Variants in SHISA6 observed in about 807,000 individuals in gnomAD.
SHISA6 encodes protein shisa-6.
A neutral mutation model predicts 47.9 loss-of-function variants in SHISA6; 22 were observed. The observed-to-expected ratio is 0.46, with a 90% confidence interval of 0.33 to 0.66. SHISA6 has a LOEUF of 0.66. Ranked by LOEUF, SHISA6 falls within the 30% of genes least tolerant of loss-of-function variation. The pLI is 0.02. For synonymous variants in SHISA6, 388 were observed against 337.8 expected (o/e 1.15, Z -1.63); for missense variants, 680 against 764.6 (o/e 0.89, Z 1.30).
chr17:11,449,675 G>A (rs1454282978), intron 3 of SHISA6, among the ~76,000 whole-genome samples: 1 of 152,144 alleles, frequency 6.6e-6, no homozygotes, highest in Non-Finnish European at 1.5e-5. Flanking sequence ...AAACTTGGTG[G>A]CTTAACAAAA....
At chr17:11,433,132 G>T (rs1914836438) in intron 3 of SHISA6, among the ~76,000 whole-genome samples, 1 of 152,278 alleles carries the variant, frequency 6.6e-6, no homozygotes, top group South Asian at 2.1e-4. Context: ...CGCAGAATGT[G>T]CAGGTTTGTT....
intron 3 of SHISA6, among the ~76,000 whole-genome samples, chr17:11,490,893 GGGGCTTTGTGAGGAAT>G (rs1389487247): frequency 1.1e-4 from 17 of 152,358 alleles, no homozygotes; most frequent in African/African-American, 1.9e-4. Flanking sequence ...GGTCTTTCCA[GGGGCTTTGTGAGGAAT>G]GCAGCAAGCC....
intron 2 of SHISA6, among the ~76,000 whole-genome samples, chr17:11,363,609 A>C (rs921565437): frequency 6.6e-6 from 1 of 152,190 alleles, no homozygotes; most frequent in Non-Finnish European, 1.5e-5. Context: ...GGTGCAAATA[A>C]AAGTTTAATG....
chr17:11,396,031 C>A (rs1321712404), intron 3 of SHISA6, among the ~76,000 whole-genome samples: 1 of 152,158 alleles, frequency 6.6e-6, no homozygotes, highest in Admixed American at 6.5e-5. Context: ...GATTGATTCA[C>A]AAGAATTCAT....
chr17:11,276,597 TCAC>T (rs757899584), intron 2 of SHISA6, among the ~76,000 whole-genome samples: 38 of 152,048 alleles, frequency 2.5e-4, no homozygotes, highest in African/African-American at 5.5e-4. Flanking sequence ...ATCATCGTTG[TCAC>T]CACCACCACC....
intron 2 of SHISA6, among the ~76,000 whole-genome samples, chr17:11,294,999 C>T (rs1909696597): frequency 6.6e-6 from 1 of 152,136 alleles, no homozygotes; most frequent in Non-Finnish European, 1.5e-5. Context: ...GCGCGGCAGT[C>T]GATCTGATAA....
intron 2 of SHISA6, among the ~76,000 whole-genome samples, chr17:11,345,399 T>C (rs1911669585): frequency 6.6e-6 from 1 of 152,166 alleles, no homozygotes; most frequent in Non-Finnish European, 1.5e-5. Context: ...TAATAACTTT[T>C]GAAATTGGAA....
chr17:11,387,765 A>T (rs796371296), intron 3 of SHISA6, among the ~76,000 whole-genome samples: 3 of 152,252 alleles, frequency 2.0e-5, no homozygotes, highest in African/African-American at 7.2e-5. Flanking sequence ...CAGAGAAGTT[A>T]ATCAAAGCTG....
At chr17:11,435,164 A>C (rs1914902859) in intron 3 of SHISA6, among the ~76,000 whole-genome samples, 1 of 151,828 alleles carries the variant, frequency 6.6e-6, no homozygotes, top group Non-Finnish European at 1.5e-5. Flanking sequence ...TTTTTTAACC[A>C]TAAGAATTTG....
At chr17:11,374,414 A>G (rs980032439) in intron 2 of SHISA6, among the ~76,000 whole-genome samples, 2 of 151,924 alleles carry the variant, frequency 1.3e-5, no homozygotes, top group Non-Finnish European at 2.9e-5. Flanking sequence ...TCTTACTCTG[A>G]GATCATTAAC....
chr17:11,439,248 T>C (rs1247394586), intron 3 of SHISA6, among the ~76,000 whole-genome samples: 1 of 152,112 alleles, frequency 6.6e-6, no homozygotes, highest in Non-Finnish European at 1.5e-5. Flanking sequence ...GAGGAATGCA[T>C]AGATGCGGTC....
intron 3 of SHISA6, among the ~76,000 whole-genome samples, chr17:11,541,479 T>C (rs2071833279): frequency 6.6e-6 from 1 of 152,228 alleles, no homozygotes; most frequent in African/African-American, 2.4e-5. Context: ...ATGTGGAATC[T>C]TTCTTTTTTC....
intron 3 of SHISA6, among the ~76,000 whole-genome samples, chr17:11,442,179 A>C (rs113120839): frequency 2.2e-4 from 34 of 152,300 alleles, no homozygotes; most frequent in African/African-American, 7.2e-4. Context: ...ATCATGTCTT[A>C]GTATGGTTGT....
intron 3 of SHISA6, among the ~76,000 whole-genome samples, chr17:11,533,241 G>A (rs1000656773): frequency 6.6e-6 from 1 of 152,076 alleles, no homozygotes; most frequent in African/African-American, 2.4e-5. Context: ...CCTCCCACTT[G>A]CATTTCTATA....
At chr17:11,355,408 C>G (rs187854098) in intron 2 of SHISA6, among the ~76,000 whole-genome samples, 1 of 152,212 alleles carries the variant, frequency 6.6e-6, no homozygotes, top group East Asian at 1.9e-4. Flanking sequence ...AACCATTTGA[C>G]GATTGGGTCC....
chr17:11,288,854 G>C (rs1175274400), intron 2 of SHISA6: 1 of 152,004 alleles, frequency 6.6e-6, no homozygotes, highest in East Asian at 1.9e-4. Flanking sequence ...AACTGCACTG[G>C]CTGACCCGAA....
intron 3 of SHISA6, among the ~76,000 whole-genome samples, chr17:11,387,751 A>G (rs79071889): frequency 0.036 from 5,522 of 152,246 alleles, 183 homozygotes; most frequent in Admixed American, 0.088. Flanking sequence ...GAGGCTGAAC[A>G]AAGCAGAGAA....
chr17:11,444,583 A>G (rs1291689887), intron 3 of SHISA6, among the ~76,000 whole-genome samples: 2 of 152,164 alleles, frequency 1.3e-5, no homozygotes, highest in African/African-American at 4.8e-5. Context: ...CAAAAACAAA[A>G]TACAAAAATG....
chr17:11,523,268 C>T (rs142624701), intron 3 of SHISA6, among the ~76,000 whole-genome samples: 130 of 152,300 alleles, frequency 8.5e-4, no homozygotes, highest in African/African-American at 2.9e-3. Flanking sequence ...TGGCTCCGAT[C>T]GGATTTGCTG....
Sources: gnomAD v4.1 joint callset for allele counts (sites outside exome capture counted in the v4.1 genomes callset) on GRCh38, gnomAD v4.1.1 for gene constraint, MANE v1.5 for transcripts, NCBI Gene and HGNC (gene_info 2026-07-23, HGNC 2026-07-21) for gene names.